CIB3: variants seen among roughly 807,000 people sequenced by gnomAD.
CIB3 encodes the protein calcium and integrin binding family member 3.
Under a neutral mutation model 23.4 loss-of-function variants are expected in CIB3, and 22 were observed. That is an observed-to-expected ratio of 0.94 (90% CI 0.67 to 1.34). The LOEUF (loss-of-function observed/expected upper bound fraction) is 1.34. Among genes scored for constraint, CIB3 ranks in the 40% most tolerant of loss-of-function variants. The probability of loss-of-function intolerance (pLI) is 0.00; values close to 1 mark genes in which losing one functional copy is unlikely to be tolerated. For missense variants in CIB3, 258 were observed against 247.3 expected (o/e 1.04, Z -0.29); for synonymous variants, 93 against 95.8 (o/e 0.97, Z 0.17).
chr19:16,166,150 G>A (rs1404971167), intron 4 of CIB3, among the ~76,000 whole-genome samples: 2 of 152,120 alleles, frequency 1.3e-5, no homozygotes, highest in Non-Finnish European at 2.9e-5. Context: ...AAATTAGCGG[G>A]GCGTGGTGCG....
At chr19:16,163,280 C>T (rs10421686) in intron 5 of CIB3, among the ~76,000 whole-genome samples, 94,850 of 151,928 alleles carry the variant, frequency 0.62, 32,407 homozygotes, top group East Asian at 0.95. Flanking sequence ...ACGGGCTGGG[C>T]GTGGTGGCTC....
chr19:16,168,640 C>T (rs2091315694), intron 3 of CIB3, among the ~76,000 whole-genome samples: 1 of 152,142 alleles, frequency 6.6e-6, no homozygotes, highest in African/African-American at 2.4e-5. Flanking sequence ...AGGGAGGGGA[C>T]CTGATTACTG....
Position 16,173,018 on chromosome 19 carries a change from GAA to G in CIB3, c.86+142_86+143del, listed in dbSNP as rs1160509244. 3.3e-3 allele frequency: 3,407 copies of G among 1,021,918 alleles called. 23 individuals carry two copies. The highest frequency in any genetic ancestry group is 3.9e-3 in the Non-Finnish European group (2,692 of 689,086). The allele number at this position is 1,021,918 out of a possible 1,614,324, so 63.3% of individuals were successfully genotyped here. A position where few individuals can be genotyped will look rare whatever the true frequency, so the allele number is the denominator to read the frequency against. ...GGGAGGGAGAGAGAGAGAGAAAAGA[GAA>G]AGAAAGAAAGAAAGACTACTTACAC... On this transcript the variant is annotated intron_variant, in intron 2 of 5. Coordinates refer to ENST00000269878, the MANE Select transcript of CIB3 (RefSeq NM_054113.4).
At chr19:16,162,886 C>CTTTTTTTTTTTTTTTTTTTTTTTTTT (rs373689760) in intron 5 of CIB3, among the ~76,000 whole-genome samples, 3 of 102,444 alleles carry the variant, frequency 2.9e-5, no homozygotes, top group Non-Finnish European at 3.9e-5. Flanking sequence ...CTTTTCTTTT[C>CTTTTTTTTTTTTTTTTTTTTTTTTTT]TTTTTTTTTT....
intron 3 of CIB3, among the ~76,000 whole-genome samples, chr19:16,169,093 T>G (rs2091317371): frequency 1.3e-5 from 2 of 152,120 alleles, no homozygotes; most frequent in African/African-American, 2.4e-5. Flanking sequence ...TTGTTGCCTG[T>G]ATTATCTCGT....
chr19:16,166,218 G>A (rs1395909110), intron 4 of CIB3, among the ~76,000 whole-genome samples: 1 of 152,164 alleles, frequency 6.6e-6, no homozygotes, highest in African/African-American at 2.4e-5. Context: ...TTGAACCCAG[G>A]GAGTGGAAGT....
At chr19:16,172,727 A>G (rs1171581803) in intron 2 of CIB3, among the ~76,000 whole-genome samples, 1 of 151,962 alleles carries the variant, frequency 6.6e-6, no homozygotes. Context: ...AGGCAGGGGG[A>G]TCGCTTGAGC....
chr19:16,169,594 A>G, intron 3 of CIB3, 36 bp downstream of exon 3: 5 of 1,576,034 alleles, frequency 3.2e-6, no homozygotes, highest in Non-Finnish European at 4.3e-6. Flanking sequence ...CATCTCTACT[A>G]TTTTTTACCC....
intron 4 of CIB3, among the ~76,000 whole-genome samples, chr19:16,166,942 G>A (rs1599435389): frequency 1.3e-5 from 2 of 152,106 alleles, no homozygotes; most frequent in Admixed American, 1.3e-4. Context: ...TTGGCTGGGC[G>A]TGGTGGTTCA....
chr19:16,167,325 T>C (rs2091310025), intron 4 of CIB3, among the ~76,000 whole-genome samples: 1 of 152,154 alleles, frequency 6.6e-6, no homozygotes, highest in Non-Finnish European at 1.5e-5. Flanking sequence ...ATTCAACAAA[T>C]ATTTACTGAG....
intron 2 of CIB3, 112 bp downstream of exon 2, chr19:16,173,050 A>ACACG (rs1306341576): frequency 9.9e-7 from 1 of 1,007,374 alleles, no homozygotes; most frequent in African/African-American, 1.9e-5. Flanking sequence ...TTACACACAC[A>ACACG]CACACACACA....
At chr19:16,167,483 G>C (rs943022805) in intron 4 of CIB3, among the ~76,000 whole-genome samples, 3 of 152,118 alleles carry the variant, frequency 2.0e-5, no homozygotes, top group African/African-American at 7.2e-5. Flanking sequence ...AGGATGGTGG[G>C]ATGGGGGGAT....
intron 2 of CIB3, among the ~76,000 whole-genome samples, chr19:16,172,704 C>G (rs1448772051): frequency 6.6e-6 from 1 of 152,038 alleles, no homozygotes; most frequent in Non-Finnish European, 1.5e-5. Context: ...AATCCCAGCA[C>G]TTTGGGAGGC....
intron 5 of CIB3, among the ~76,000 whole-genome samples, chr19:16,161,708 T>C (rs12460542): frequency 0.75 from 102,347 of 137,338 alleles, 38,817 homozygotes; most frequent in East Asian, 0.95. Flanking sequence ...GATGGGGTCT[T>C]GCTCTGTCTC....
At chr19:16,173,347 AG>A in intron 1 of CIB3, 77 bp downstream of exon 1, 1 of 1,553,838 alleles carries the variant, frequency 6.4e-7, no homozygotes, top group Non-Finnish European at 8.9e-7. Flanking sequence ...ACCCAGATGA[AG>A]GCATTCTGTT....
intron 5 of CIB3, among the ~76,000 whole-genome samples, chr19:16,162,215 T>C (rs1599433235): frequency 8.5e-6 from 1 of 117,614 alleles, no homozygotes; most frequent in Non-Finnish European, 1.6e-5. Context: ...GAGAACAGCC[T>C]GGGCAACAAG....
intron 2 of CIB3, among the ~76,000 whole-genome samples, chr19:16,170,569 C>T (rs1423377859): frequency 6.6e-6 from 1 of 152,194 alleles, no homozygotes; most frequent in Non-Finnish European, 1.5e-5. Flanking sequence ...GCCTGTAATC[C>T]CAGTACTTTG....
In CIB3 at chr19:16,168,147, A is replaced by T. The variant is rs145895977; in HGVS notation, c.336T>A (p.Phe112Leu). ...GGGCCACGCACGCACCATAAATTTT[A>T]AAAGCATAGTAAGCCTTGAGGTCGC... ...APRDLKAYYAFKIYDFNNDDY... is the reference protein window; with the variant it reads ...APRDLKAYYALKIYDFNNDDY... Residue 112 changes from phenylalanine (F) to leucine (L), a missense_variant, in exon 4 of 6, where the codon TTT (phenylalanine) becomes TTA (leucine). Physicochemically the swap from Phe to Leu is conservative, Grantham distance 22. Coordinates refer to ENST00000269878, the MANE Select transcript of CIB3 (RefSeq NM_054113.4). 6 of 1,593,354 alleles carry T rather than the reference A, an allele frequency of 3.8e-6. No homozygotes were observed. Among genetic ancestry groups the T allele is most frequent in the Non-Finnish European group, 5.1e-6 (6 of 1,168,650 alleles).
At chr19:16,165,012 GGTC>G (rs936509382) in intron 4 of CIB3, 99 bp from the exon 5 acceptor site, 14 of 1,017,806 alleles carry the variant, frequency 1.4e-5, no homozygotes, top group Non-Finnish European at 2.1e-5. Context: ...GGGAAACTAA[GGTC>G]GGGCACGGTG....
Sources: allele counts gnomAD v4.1 joint callset (sites outside exome capture counted in the v4.1 genomes callset), GRCh38; gene constraint gnomAD v4.1.1; transcripts MANE v1.5; gene names NCBI Gene and HGNC (gene_info 2026-07-23, HGNC 2026-07-21).